Variants in LZTS1 observed in about 807,000 individuals in gnomAD.
LZTS1 encodes leucine zipper putative tumor suppressor 1.
LZTS1 carries 31 observed loss-of-function variants against 45.8 expected under a neutral mutation model. That is an observed-to-expected ratio of 0.68 (90% CI 0.51 to 0.91). The LOEUF (loss-of-function observed/expected upper bound fraction) is 0.91. LZTS1 is among the 40% of genes least tolerant of loss of function. LZTS1 has a pLI of 0.00. For synonymous variants in LZTS1, 359 were observed against 357.3 expected, an observed-to-expected ratio of 1.00 and a Z score of -0.05; for missense variants, 821 against 788.9, an observed-to-expected ratio of 1.04 and a Z score of -0.49.
At chr8:20,259,993 C>T (rs191408888) in intron 1 of LZTS1, among the ~76,000 whole-genome samples, 38 of 152,302 alleles carry the variant, frequency 2.5e-4, no homozygotes, top group Non-Finnish European at 2.5e-4. Context: ...CCTCCAGCTG[C>T]TGGGCTCAAG....
chr8:20,294,872 G>T (rs1800956288), intron 1 of LZTS1, among the ~76,000 whole-genome samples: 1 of 151,944 alleles, frequency 6.6e-6, no homozygotes, highest in Admixed American at 6.6e-5. Context: ...TGCCTCTCTG[G>T]AAGGTCAAGG....
intron 1 of LZTS1, among the ~76,000 whole-genome samples, chr8:20,285,747 G>T: frequency 6.6e-6 from 1 of 152,178 alleles, no homozygotes; most frequent in East Asian, 1.9e-4. Flanking sequence ...ATTTGGTGAA[G>T]AACTAAGCTG....
Position 20,252,948 on chromosome 8 carries a change from T to A in LZTS1, c.983A>T (p.Gln328Leu). 6.3e-7 allele frequency: 1 copy of A among 1,598,368 alleles called. No individual in the cohort carries two copies. The highest frequency in any genetic ancestry group is 1.1e-5 in the South Asian group (1 of 90,416). ...KQASQKSQRA[Q>L]QVLHLQVLQL... ...CAGTACCTGCAGGTGCAGGACCTGC[T>A]GCGCGCGCTGGCTCTTCTGCGAGGC... The change falls in exon 3 of 4, where the codon CAG becomes CTG. Residue 328 changes from glutamine (Q) to leucine (L), a missense_variant. Physicochemically the swap from Gln to Leu is moderately radical, Grantham distance 113. Coordinates refer to ENST00000381569, the MANE Select transcript of LZTS1 (RefSeq NM_021020.5).
At chr8:20,290,554 GC>G (rs1379062056) in intron 1 of LZTS1, 1 of 152,184 alleles carries the variant, frequency 6.6e-6, no homozygotes, top group African/African-American at 2.4e-5. Context: ...CACCCAGGCT[GC>G]CCCCATCTTG....
chr8:20,296,481 C>G lies in LZTS1; in HGVS notation c.-135+7259G>C, dbSNP rs369552163. On this transcript the variant is annotated intron_variant, in intron 1 of 3. Transcript: ENST00000381569. ...CTAAAGACTGCCCCAGGCATGGCAT[C>G]GGGGAGGGGGCTGTCTGAGCTCACC... Among the ~76,000 whole-genome samples the G allele has an allele frequency of 6.2e-4, 95 of 152,304 alleles. No individual in the cohort carries two copies. The East Asian group carries it at 0.011, about 17-fold the overall frequency.
chr8:20,295,809 A>AC (rs772030367), intron 1 of LZTS1, among the ~76,000 whole-genome samples: 8 of 151,752 alleles, frequency 5.3e-5, no homozygotes, highest in Non-Finnish European at 7.4e-5. Context: ...TAGCAGGTGG[A>AC]CCCCTCTGTC....
intron 1 of LZTS1, among the ~76,000 whole-genome samples, chr8:20,300,856 C>T (rs1801063422): frequency 1.3e-5 from 2 of 152,072 alleles, no homozygotes; most frequent in Admixed American, 6.6e-5. Flanking sequence ...GTGGTGGCTC[C>T]TGCCTGTAAT....
intron 1 of LZTS1, among the ~76,000 whole-genome samples, chr8:20,302,086 A>G (rs377592153): frequency 6.6e-6 from 1 of 152,070 alleles, no homozygotes; most frequent in African/African-American, 2.4e-5. Flanking sequence ...CCATCCTATT[A>G]GCTGTGGGAC....
At chr8:20,293,062 G>A (rs963934460) in intron 1 of LZTS1, among the ~76,000 whole-genome samples, 1 of 151,950 alleles carries the variant, frequency 6.6e-6, no homozygotes, top group Non-Finnish European at 1.5e-5. Context: ...GATATTCCCC[G>A]GCTACAAGAG....
At chr8:20,269,350 T>C (rs1800428800) in intron 1 of LZTS1, among the ~76,000 whole-genome samples, 1 of 152,162 alleles carries the variant, frequency 6.6e-6, no homozygotes. Flanking sequence ...CCTCCCGTCT[T>C]ACCTGGAGAG....
chr8:20,268,433 C>G (rs1159634681), intron 1 of LZTS1, among the ~76,000 whole-genome samples: 1 of 151,960 alleles, frequency 6.6e-6, no homozygotes, highest in Non-Finnish European at 1.5e-5. Flanking sequence ...ATACTCTGCC[C>G]GATTCAGCTT....
At chr8:20,269,607 T>A (rs1180650581) in intron 1 of LZTS1, among the ~76,000 whole-genome samples, 1 of 152,190 alleles carries the variant, frequency 6.6e-6, no homozygotes, top group African/African-American at 2.4e-5. Flanking sequence ...CAAGTTCAGG[T>A]TCAGTACGGA....
rs1799801162 is a variant in LZTS1 at position 20,248,690 on chromosome 8, G to C, written c.*1032C>G. 1 of 152,278 alleles carries C rather than the reference G, an allele frequency of 6.6e-6. No individual in the cohort carries two copies. The highest frequency in any genetic ancestry group is 2.4e-5 in the African/African-American group (1 of 41,434). 9.4% of individuals were successfully genotyped at this position (152,278 alleles called of 1,614,324 possible). On this transcript the variant is annotated 3_prime_UTR_variant, in exon 4 of 4. Transcript: ENST00000381569. ...CCGCTAAACCTGGCTGTAGGCAGAG[G>C]AGGAAAATGCCCAGATCACATATAT...
Position 20,249,533 on chromosome 8 carries a change from A to G in LZTS1, c.*189T>C. 1 of 675,074 alleles carries G rather than the reference A, an allele frequency of 1.5e-6. No individual in the cohort carries two copies. The highest frequency in any genetic ancestry group is 2.4e-6 in the Non-Finnish European group (1 of 408,638). 41.8% of individuals were successfully genotyped at this position (675,074 alleles called of 1,614,324 possible). On this transcript the variant is annotated 3_prime_UTR_variant, in exon 4 of 4. Coordinates refer to ENST00000381569, the MANE Select transcript of LZTS1 (RefSeq NM_021020.5). The stretch of plus-strand genomic sequence containing the variant: ...CAGGGCCTGACGTCTGGTGGGCTGC[A>G]GGGCTGGTGAGCACTGGGACATCAG...
intron 1 of LZTS1, among the ~76,000 whole-genome samples, chr8:20,288,459 A>T (rs950133507): frequency 3.9e-5 from 6 of 152,156 alleles, no homozygotes; most frequent in African/African-American, 1.4e-4. Flanking sequence ...CATTCACTGC[A>T]TGTGTCCTGT....
At chr8:20,279,339 G>A (rs970095263) in intron 1 of LZTS1, among the ~76,000 whole-genome samples, 2 of 152,192 alleles carry the variant, frequency 1.3e-5, no homozygotes, top group African/African-American at 4.8e-5. Flanking sequence ...GCCATCCAAG[G>A]AAGGAGGGAG....
intron 1 of LZTS1, among the ~76,000 whole-genome samples, chr8:20,256,340 G>T (rs1169466787): frequency 6.6e-6 from 1 of 152,166 alleles, no homozygotes; most frequent in Non-Finnish European, 1.5e-5. Flanking sequence ...CTTGGGTTGA[G>T]ACAAGGAGCC....
At chr8:20,295,297 C>CT (rs752178716) in intron 1 of LZTS1, among the ~76,000 whole-genome samples, 1 of 152,248 alleles carries the variant, frequency 6.6e-6, no homozygotes, top group Non-Finnish European at 1.5e-5. Context: ...CCACAGGTCT[C>CT]TTAAGTTTCT....
At chr8:20,251,654 G>T (rs975201100) in intron 3 of LZTS1, among the ~76,000 whole-genome samples, 5 of 152,168 alleles carry the variant, frequency 3.3e-5, no homozygotes, top group Non-Finnish European at 5.9e-5. Context: ...TGGAAATAGA[G>T]AAGAAGAGCA....
Sources: gnomAD v4.1 joint callset for allele counts (sites outside exome capture counted in the v4.1 genomes callset) on GRCh38, gnomAD v4.1.1 for gene constraint, MANE v1.5 for transcripts, NCBI Gene and HGNC (gene_info 2026-07-23, HGNC 2026-07-21) for gene names.